ZNF512B: variants seen among roughly 807,000 people sequenced by gnomAD.
ZNF512B encodes zinc finger protein 512B.
Under a neutral mutation model 87.8 loss-of-function variants are expected in ZNF512B, and 22 were observed. The observed-to-expected ratio is 0.25, with a 90% CI of 0.18 to 0.36. ZNF512B has a LOEUF of 0.36. Among genes scored for constraint, ZNF512B ranks in the 10% least tolerant of loss-of-function variants. ZNF512B has a pLI of 1.00. For synonymous variants in ZNF512B, 524 were observed against 490.9 expected (o/e 1.07, Z -0.89); for missense variants, 1,060 against 1,231.6 (o/e 0.86, Z 2.09).
At chr20:63,968,965 T>C (rs2058954405) in intron 1 of ZNF512B, among the ~76,000 whole-genome samples, 1 of 152,176 alleles carries the variant, frequency 6.6e-6, no homozygotes, top group Non-Finnish European at 1.5e-5. Flanking sequence ...AGTGGGCAGG[T>C]GGCCCCCTCC....
intron 12 of ZNF512B, 28 bp from the exon 13 acceptor site, chr20:63,962,809 G>C: frequency 1.3e-6 from 2 of 1,563,412 alleles, no homozygotes; most frequent in Non-Finnish European, 1.7e-6. Flanking sequence ...ATGGAGGCTA[G>C]AGTGAGCCGC....
At chr20:63,962,984 A>G in intron 12 of ZNF512B, 111 bp downstream of exon 12, 1 of 1,377,552 alleles carries the variant, frequency 7.3e-7, no homozygotes, top group Non-Finnish European at 9.6e-7. Context: ...GAGGGGTGGG[A>G]AACACACGCG....
intron 14 of ZNF512B, 70 bp from the exon 15 acceptor site, chr20:63,962,074 C>T: frequency 6.7e-7 from 1 of 1,484,836 alleles, no homozygotes; most frequent in Non-Finnish European, 9.2e-7. Flanking sequence ...CCCTGCCCTA[C>T]CCCAGGGGAT....
Position 63,960,039 on chromosome 20 carries a change from T to C in ZNF512B, c.2528A>G (p.Lys843Arg). 1.2e-6 allele frequency: 2 copies of C among 1,613,924 alleles called. No individual in the cohort carries two copies. The highest frequency in any genetic ancestry group is 2.2e-5 in the South Asian group (2 of 91,090). ...CCGCTCCTTGGGCTTTCGGCCCCGC[T>C]TCTTTCCACCTGCCAGATTTTTCTT... ...EKKKNLAGGKKRGRKPKERTP... is the reference protein window; with the variant it reads ...EKKKNLAGGKRRGRKPKERTP... The change falls in exon 17 of 17, where the codon AAG becomes AGG. Residue 843 changes from lysine to arginine, a missense_variant. Physicochemically the swap from Lys to Arg is conservative, Grantham distance 26. Around this residue, in one of 9 missense-constraint regions of ZNF512B, gnomAD observed 253 missense variants for 259.2 expected, o/e 0.98. Transcript: ENST00000369888.
chr20:63,961,881 G>T lies in ZNF512B; in HGVS notation c.2328+61C>A, dbSNP rs2058855691. On this transcript the variant is annotated intron_variant, in intron 15 of 16. Coordinates refer to ENST00000369888, the MANE Select transcript of ZNF512B (RefSeq NM_020713.3). The surrounding 1 kb of genome is among the most constrained non-coding windows in gnomAD (Gnocchi z 6.4). ...TCACTACTGTGTGGGAAGCCCGCGT[G>T]GGGTGAGCTGGGAGCTCTGAGTGCA... The T allele has an allele frequency of 3.3e-6, 5 of 1,521,576 alleles. No homozygotes were observed. The highest frequency in any genetic ancestry group is 1.2e-5 in the South Asian group (1 of 83,446). The allele number at this position is 1,521,576 out of a possible 1,614,324, so 94.3% of individuals were successfully genotyped here. A position where few individuals can be genotyped will look rare whatever the true frequency, so the allele number is the denominator to read the frequency against.
In ZNF512B at chr20:63,962,016, G is replaced by A; in HGVS notation, c.2266-12C>T. 2 of 1,550,870 alleles carry A rather than the reference G, an allele frequency of 1.3e-6. No individual in the cohort carries two copies. Among genetic ancestry groups the A allele is most frequent in the Non-Finnish European group, 1.7e-6 (2 of 1,146,888 alleles). ...ATGGCTTCACAGCACTGCAGGGAAGGGAGCCGTGGGCGAAGGCCTCTGGTG... is the reference window on the plus strand; with the variant it reads ...ATGGCTTCACAGCACTGCAGGGAAGAGAGCCGTGGGCGAAGGCCTCTGGTG... On this transcript the variant is annotated splice_polypyrimidine_tract_variant and intron_variant, in intron 14 of 16. Transcript: ENST00000369888.
chr20:63,963,884 T>C lies in ZNF512B; in HGVS notation c.1510A>G (p.Ile504Val), dbSNP rs752638241. 18 of 1,611,790 alleles carry C rather than the reference T, an allele frequency of 1.1e-5. No homozygotes were observed. Among genetic ancestry groups the C allele is most frequent in the Non-Finnish European group, 1.4e-5 (17 of 1,180,012 alleles). ...GGPEEQWQRA[I>V]HERGEAVCPT... ...CAGACGGCTTCCCCGCGCTCATGGA[T>C]GGCCCTCTGCCACTGCTCTTCAGGG... The change falls in exon 9 of 17, where the codon ATC becomes GTC. Residue 504 changes from isoleucine (I) to valine (V), a missense_variant. This residue lies in a region of ZNF512B where 212 missense variants were observed against 207.6 expected (regional missense o/e 1.02). Coordinates refer to ENST00000369888, the MANE Select transcript of ZNF512B (RefSeq NM_020713.3).
intron 1 of ZNF512B, among the ~76,000 whole-genome samples, chr20:63,968,224 C>A (rs1187290912): frequency 6.6e-6 from 1 of 152,214 alleles, no homozygotes; most frequent in Non-Finnish European, 1.5e-5. Flanking sequence ...ACTTCCAGAC[C>A]CCCTTCCCAA....
At position 63,967,496 on chromosome 20, in the gene ZNF512B, GTC is replaced by G; in HGVS notation, c.147_148del (p.Gln49HisfsTer11). 1 of 1,610,246 alleles carries G rather than the reference GTC, an allele frequency of 6.2e-7. No individual in the cohort carries two copies. Among genetic ancestry groups the G allele is most frequent in the East Asian group, 2.2e-5 (1 of 44,804 alleles). ...GCAGAGAGGGGCCTGGCCGGGCACT[GTC>G]TGTCCACCACGGACCACCGGCATCC... On this transcript the variant is annotated frameshift_variant, in exon 3 of 17. Coordinates refer to ENST00000369888, the MANE Select transcript of ZNF512B (RefSeq NM_020713.3). LOFTEE classifies it high-confidence loss of function.
Position 63,963,899 on chromosome 20 carries a change from G to T in ZNF512B, c.1495C>A (p.Gln499Lys). The change falls in exon 9 of 17, where the codon CAG becomes AAG. Residue 499 changes from glutamine to lysine, a missense_variant. Transcript: ENST00000369888. ...CGCTCATGGATGGCCCTCTGCCACT[G>T]CTCTTCAGGGCCACCTGTGGGTAAG... ...AHPAPGGPEEQWQRAIHERGE... is the reference protein window; with the variant it reads ...AHPAPGGPEEKWQRAIHERGE... The T allele has an allele frequency of 6.2e-7, 1 of 1,610,758 alleles. No individual in the cohort carries two copies.
chr20:63,961,465 G>A lies in ZNF512B; in HGVS notation c.2329-58C>T, dbSNP rs1231594980. 4 of 1,517,968 alleles carry A rather than the reference G, an allele frequency of 2.6e-6. No individual in the cohort carries two copies. Among genetic ancestry groups the A allele is most frequent in the East Asian group, 2.3e-5 (1 of 44,434 alleles). 94.0% of individuals were successfully genotyped at this position (1,517,968 alleles called of 1,614,324 possible). On this transcript the variant is annotated intron_variant, in intron 15 of 16. Coordinates refer to ENST00000369888, the MANE Select transcript of ZNF512B (RefSeq NM_020713.3). The surrounding 1 kb of genome is among the most constrained non-coding windows in gnomAD (Gnocchi z 6.4). ...CTTGGAGGACCCAGATCTGTCCTAA[G>A]CCCCTACTCATGGCTAAAGGGTCAG...
intron 13 of ZNF512B, 38 bp downstream of exon 13, chr20:63,962,549 C>A: frequency 6.3e-7 from 1 of 1,585,094 alleles, no homozygotes; most frequent in Non-Finnish European, 8.5e-7. Context: ...CACGCAGAGG[C>A]CACGGCGCTG....
rs1449385803 is a variant in ZNF512B, at chr20:63,959,497, G to A, written c.*391C>T. On this transcript the variant is annotated 3_prime_UTR_variant, in exon 17 of 17. Coordinates refer to ENST00000369888, the MANE Select transcript of ZNF512B (RefSeq NM_020713.3). ...CCAGCCCAGAACCACAGGTCACCAG[G>A]GATGCCTGAGCCTTGGGGTAGCCAG... is the stretch of plus-strand genomic sequence containing the variant. 2.6e-5 allele frequency: 6 copies of A among 230,368 alleles called. No individual in the cohort carries two copies. The highest frequency in any genetic ancestry group is 5.3e-5 in the Admixed American group (1 of 18,702). 14.3% of individuals were successfully genotyped at this position (230,368 alleles called of 1,614,324 possible).
rs778548518 is a variant in ZNF512B at position 63,962,293 on chromosome 20, G to A, written c.2245C>T (p.His749Tyr). The A allele has an allele frequency of 5.0e-6, 8 of 1,612,076 alleles. No individual in the cohort carries two copies. Among genetic ancestry groups the A allele is most frequent in the South Asian group, 1.1e-5 (1 of 91,076 alleles). Residue 749 changes from histidine to tyrosine, a missense_variant, in exon 14 of 17, where the codon CAC becomes TAC. This residue lies in a region of ZNF512B where 253 missense variants were observed against 259.2 expected (regional missense o/e 0.98). Transcript: ENST00000369888. ...AWKNEVKEKG[H>Y]VNCPNDCCEA... is the part of the protein sequence containing the mutation. ...CTCACGTCGTTGGGACAGTTGACGTGGCCTTTCTCCTTCACTTCATTCTTC... is the reference window on the plus strand; with the variant it reads ...CTCACGTCGTTGGGACAGTTGACGTAGCCTTTCTCCTTCACTTCATTCTTC...
rs754106551 is a variant in ZNF512B at position 63,963,396 on chromosome 20, G to A, written c.1743C>T (p.Arg581=). 4.1e-5 allele frequency: 64 copies of A among 1,549,556 alleles called. No homozygotes were observed. The highest frequency in any genetic ancestry group is 1.9e-4 in the Middle Eastern group (1 of 5,160). The change falls in exon 11 of 17, where the codon CGC becomes CGT. Residue 581 remains arginine, a synonymous_variant. Transcript: ENST00000369888. Reference sequence around the variant, plus strand: ...GCTTCAGCACCTTGCGCAGCCTCTCGCGCTCCTCCTGCTCGCCCCCTTCGG... The same window carrying A: ...GCTTCAGCACCTTGCGCAGCCTCTCACGCTCCTCCTGCTCGCCCCCTTCGG... ...EASEGGEQEE[R]ERLRKVLKQM...
chr20:63,968,266 G>A (rs567187332), intron 1 of ZNF512B, among the ~76,000 whole-genome samples: 38 of 152,362 alleles, frequency 2.5e-4, no homozygotes, highest in Admixed American at 1.6e-3. Flanking sequence ...CAGCTCCACA[G>A]TGTGCGTAGC....
At position 63,961,893 on chromosome 20, in the gene ZNF512B, G is replaced by A. The variant is rs2146884993; in HGVS notation, c.2328+49C>T. The A allele has an allele frequency of 6.5e-7, 1 of 1,542,214 alleles. No homozygotes were observed. The highest frequency in any genetic ancestry group is 1.2e-5 in the South Asian group (1 of 83,890). On this transcript the variant is annotated intron_variant, in intron 15 of 16. Transcript: ENST00000369888. This position sits in a 1 kb window ranked among gnomAD's most constrained non-coding sequence, Gnocchi z 6.4. ...GGGAAGCCCGCGTGGGGTGAGCTGG[G>A]AGCTCTGAGTGCAGCGCACCTGGCC...
chr20:63,969,398 G>A (rs1231418280), intron 1 of ZNF512B, among the ~76,000 whole-genome samples: 6 of 151,760 alleles, frequency 4.0e-5, no homozygotes, highest in East Asian at 2.0e-4. Context: ...CGCGCTGCGC[G>A]CAGGAGACGC....
In ZNF512B at chr20:63,959,526, A is replaced by C; in HGVS notation, c.*362T>G. The stretch of plus-strand genomic sequence containing the variant: ...GCCTGAGCCTTGGGGTAGCCAGGGA[A>C]GGGACCCGGCAGGGCCTGAGGAAGC... On this transcript the variant is annotated 3_prime_UTR_variant, in exon 17 of 17. Transcript: ENST00000369888. The C allele has an allele frequency of 2.3e-5, 6 of 257,478 alleles. No homozygotes were observed. Among genetic ancestry groups the C allele is most frequent in the East Asian group, 7.6e-5 (1 of 13,216 alleles). The allele number at this position is 257,478 out of a possible 1,614,324, so 15.9% of individuals were successfully genotyped here. A position where few individuals can be genotyped will look rare whatever the true frequency, so the allele number is the denominator to read the frequency against.
Sources: gnomAD v4.1 joint callset for allele counts (sites outside exome capture counted in the v4.1 genomes callset) on GRCh38, gnomAD v4.1.1 for gene constraint, gnomAD v4.1.1 regional missense constraint, Gnocchi (gnomAD v3.1) non-coding constraint, MANE v1.5 for transcripts, NCBI Gene and HGNC (gene_info 2026-07-23, HGNC 2026-07-21) for gene names.